CYP2B6: variants seen among roughly 807,000 people sequenced by gnomAD.
CYP2B6 encodes the protein cytochrome P450 2B6.
CYP2B6 carries 35 observed loss-of-function variants against 43.4 expected under a neutral mutation model. The ratio of observed to expected loss-of-function variants is 0.81; its 90% CI spans 0.62 to 1.07. CYP2B6 has a LOEUF of 1.07. CYP2B6 is among the 50% of genes least tolerant of loss of function. CYP2B6 has a pLI of 0.00. For synonymous variants in CYP2B6, 239 were observed against 239.2 expected (o/e 1.00, Z 0.01); for missense variants, 624 against 632.8 (o/e 0.99, Z 0.15).
At chr19:41,000,860 G>C (rs1300429288) in intron 1 of CYP2B6, among the ~76,000 whole-genome samples, 2 of 152,022 alleles carry the variant, frequency 1.3e-5, no homozygotes, top group African/African-American at 4.8e-5. Context: ...CCAACATGGA[G>C]AAACCCTGTC....
At chr19:40,999,326 T>C (rs1969046455) in intron 1 of CYP2B6, among the ~76,000 whole-genome samples, 1 of 151,930 alleles carries the variant, frequency 6.6e-6, no homozygotes. Context: ...TATTAGCCCT[T>C]TGTCAGATGA....
chr19:41,011,765 G>T (rs1969288225), intron 6 of CYP2B6, among the ~76,000 whole-genome samples: 1 of 151,852 alleles, frequency 6.6e-6, no homozygotes, highest in Admixed American at 6.6e-5. Context: ...GTGTACCTGG[G>T]CATGTGGGAA....
At chr19:41,010,931 T>C (rs2144675189) in intron 6 of CYP2B6, among the ~76,000 whole-genome samples, 1 of 152,246 alleles carries the variant, frequency 6.6e-6, no homozygotes, top group Non-Finnish European at 1.5e-5. Flanking sequence ...AATCGATCCA[T>C]CCACTTATCA....
intron 1 of CYP2B6, among the ~76,000 whole-genome samples, chr19:40,992,551 C>T (rs900558266): frequency 3.9e-5 from 6 of 152,000 alleles, no homozygotes; most frequent in African/African-American, 1.5e-4. Flanking sequence ...CAGGGCCTCA[C>T]TCTGTCAGCC....
Position 41,017,085 on chromosome 19 carries a change from C to T in CYP2B6, c.*258C>T, listed in dbSNP as rs1454780952. 3 of 271,694 alleles carry T rather than the reference C, an allele frequency of 1.1e-5. No homozygotes were observed. The highest frequency in any genetic ancestry group is 1.1e-4 in the South Asian group (2 of 17,410). 16.8% of individuals were successfully genotyped at this position (271,694 alleles called of 1,614,324 possible). Reference sequence around the variant, plus strand: ...TGAGACAGAGTCTCACACTGTTGCCCAGGCTGGAGTGCAGTGGCGTGATCT... The same window carrying T: ...TGAGACAGAGTCTCACACTGTTGCCTAGGCTGGAGTGCAGTGGCGTGATCT... On this transcript the variant is annotated 3_prime_UTR_variant, in exon 9 of 9. Coordinates refer to ENST00000324071, the MANE Select transcript of CYP2B6 (RefSeq NM_000767.5).
At chr19:41,016,431 A>AGAGAG (rs58697964) in intron 8 of CYP2B6, among the ~76,000 whole-genome samples, 18 of 92,450 alleles carry the variant, frequency 1.9e-4, no homozygotes, top group African/African-American at 6.1e-4. Context: ...AAAAAAAAAA[A>AGAGAG]AAAGAGAGAG....
chr19:41,012,494 G>T lies in CYP2B6; in HGVS notation c.1152+9G>T. The T allele has an allele frequency of 1.2e-6, 2 of 1,614,008 alleles. No individual in the cohort carries two copies. The highest frequency in any genetic ancestry group is 1.3e-5 in the African/African-American group (1 of 75,012). On this transcript the variant is annotated intron_variant, in intron 7 of 8. Coordinates refer to ENST00000324071, the MANE Select transcript of CYP2B6 (RefSeq NM_000767.5). ...GGTACATCATCCCCAAGGTAAGACC[G>T]GCTGGAACCCCATAGCCCTCCTGTT...
chr19:40,994,821 TTAAC>T (rs1299541423), intron 1 of CYP2B6, among the ~76,000 whole-genome samples: 7 of 152,140 alleles, frequency 4.6e-5, no homozygotes, highest in African/African-American at 9.7e-5. Flanking sequence ...TGTTATTATA[TTAAC>T]TAACTAATAA....
At chr19:41,012,197 A>C in intron 6 of CYP2B6, 101 bp from the exon 7 acceptor site, 1 of 1,124,264 alleles carries the variant, frequency 8.9e-7, no homozygotes, top group Non-Finnish European at 1.3e-6. Flanking sequence ...GAATCCACCC[A>C]CCTCAACCTC....
At position 41,017,055 on chromosome 19, in the gene CYP2B6, T is replaced by G. The variant is rs1484603917; in HGVS notation, c.*228T>G. 5.4e-6 allele frequency: 2 copies of G among 373,076 alleles called. No individual in the cohort carries two copies. The highest frequency in any genetic ancestry group is 9.9e-6 in the Non-Finnish European group (2 of 202,672). 23.1% of individuals were successfully genotyped at this position (373,076 alleles called of 1,614,324 possible). A position where few individuals can be genotyped will look rare whatever the true frequency, so the allele number is the denominator to read the frequency against. ...AATCATATATATATATATGTTCTTG[T>G]TTTTTGAGACAGAGTCTCACACTGT... On this transcript the variant is annotated 3_prime_UTR_variant, in exon 9 of 9. Transcript: ENST00000324071.
In CYP2B6 at chr19:41,004,283, C is replaced by G. The variant is rs182509919; in HGVS notation, c.335-14C>G. ...CTTCTTCTACAACCAACCCACACCT[C>G]CCCTGCACCCCAGGTGTGATCTTTG... is the stretch of plus-strand genomic sequence containing the variant. On this transcript the variant is annotated splice_polypyrimidine_tract_variant and intron_variant, in intron 2 of 8. Transcript: ENST00000324071. The G allele has an allele frequency of 3.0e-3, 4,817 of 1,613,776 alleles. 6 individuals are homozygous for G. Among genetic ancestry groups the G allele is most frequent in the Middle Eastern group, 3.8e-3 (23 of 6,052 alleles).
intron 1 of CYP2B6, among the ~76,000 whole-genome samples, chr19:40,999,066 C>T (rs10424026): frequency 0.28 from 41,109 of 145,042 alleles, 6,294 homozygotes; most frequent in South Asian, 0.38. Flanking sequence ...TCCTATTTCT[C>T]CACATCTTCT....
At chr19:40,994,784 G>A (rs1177539841) in intron 1 of CYP2B6, among the ~76,000 whole-genome samples, 1 of 152,000 alleles carries the variant, frequency 6.6e-6, no homozygotes, top group Non-Finnish European at 1.5e-5. Context: ...TATGTTATTA[G>A]CTAGTTAATA....
At chr19:40,997,717 A>G (rs7250873) in intron 1 of CYP2B6, among the ~76,000 whole-genome samples, 46,384 of 151,904 alleles carry the variant, frequency 0.31, 7,728 homozygotes, top group African/African-American at 0.41. Context: ...TCAAATTATG[A>G]AACATTTAGA....
At chr19:41,016,269 TGCCTGTA>T (rs1969360887) in intron 8 of CYP2B6, among the ~76,000 whole-genome samples, 1 of 151,404 alleles carries the variant, frequency 6.6e-6, no homozygotes, top group South Asian at 2.1e-4. Context: ...TGGTGGCAGG[TGCCTGTA>T]ATCCCAGCTA....
intron 1 of CYP2B6, among the ~76,000 whole-genome samples, chr19:41,002,393 A>G (rs1193732648): frequency 6.6e-6 from 1 of 152,114 alleles, no homozygotes; most frequent in Non-Finnish European, 1.5e-5. Context: ...GCACAGCTCA[A>G]TGAATTTTCA....
rs1969141225 is a variant in CYP2B6 at position 41,004,277 on chromosome 19, A to G, written c.335-20A>G. On this transcript the variant is annotated intron_variant, in intron 2 of 8. Coordinates refer to ENST00000324071, the MANE Select transcript of CYP2B6 (RefSeq NM_000767.5). ...TTCCAACTTCTTCTACAACCAACCC[A>G]CACCTCCCCTGCACCCCAGGTGTGA... 3 of 1,613,706 alleles carry G rather than the reference A, an allele frequency of 1.9e-6. No individual in the cohort carries two copies. The highest frequency in any genetic ancestry group is 2.7e-5 in the African/African-American group (2 of 74,796).
chr19:40,994,354 G>A (rs773936099), intron 1 of CYP2B6, among the ~76,000 whole-genome samples: 2 of 152,068 alleles, frequency 1.3e-5, no homozygotes, highest in Non-Finnish European at 2.9e-5. Context: ...GTCACCTACT[G>A]GCATTAGAGC....
chr19:41,003,162 A>C (rs1396786479), intron 1 of CYP2B6, among the ~76,000 whole-genome samples: 1 of 152,156 alleles, frequency 6.6e-6, no homozygotes, highest in Non-Finnish European at 1.5e-5. Context: ...GTTCAGCTTC[A>C]GGAAATACTG....
Sources: allele counts gnomAD v4.1 joint callset (sites outside exome capture counted in the v4.1 genomes callset), GRCh38; gene constraint gnomAD v4.1.1; transcripts MANE v1.5; gene names NCBI Gene and HGNC (gene_info 2026-07-23, HGNC 2026-07-21).